SPAG17: variants seen among roughly 807,000 people sequenced by gnomAD.
SPAG17 encodes the protein sperm associated antigen 17, also known as sperm-associated antigen 17.
SPAG17 carries 169 observed loss-of-function variants against 273.6 expected under a neutral mutation model. The observed-to-expected ratio is 0.62, with a 90% CI of 0.55 to 0.70. The LOEUF (loss-of-function observed/expected upper bound fraction) is 0.70, where lower values mean the gene tolerates loss of function less well. SPAG17 is among the 30% of genes least tolerant of loss of function. The probability of loss-of-function intolerance (pLI) is 0.00; values close to 1 mark genes in which losing one functional copy is unlikely to be tolerated. For missense variants in SPAG17, 2,557 were observed against 2,627.8 expected (o/e 0.97, Z 0.59); for synonymous variants, 825 against 873.2 (o/e 0.94, Z 0.97).
At chr1:118,062,949 A>T (rs546383256) in intron 18 of SPAG17, among the ~76,000 whole-genome samples, 2 of 152,352 alleles carry the variant, frequency 1.3e-5, no homozygotes, top group Non-Finnish European at 2.9e-5. Context: ...AAAATGTAAC[A>T]CATAGCCAAG....
At chr1:118,021,745 G>T (rs768649686) in intron 28 of SPAG17, among the ~76,000 whole-genome samples, 4 of 152,054 alleles carry the variant, frequency 2.6e-5, no homozygotes, top group Non-Finnish European at 5.9e-5. Context: ...TGGATGGAAG[G>T]GCTGTGAAGA....
At chr1:118,052,636 C>T (rs72631719) in intron 20 of SPAG17, among the ~76,000 whole-genome samples, 9,617 of 151,806 alleles carry the variant, frequency 0.063, 518 homozygotes, top group East Asian at 0.31. Flanking sequence ...GTACATAATT[C>T]AAAACATTAT....
intron 10 of SPAG17, among the ~76,000 whole-genome samples, chr1:118,088,158 A>T (rs1440937133): frequency 2.6e-5 from 4 of 152,164 alleles, no homozygotes; most frequent in African/African-American, 9.7e-5. Flanking sequence ...TTCTTCTCTG[A>T]AATGTCCAAT....
chr1:118,047,720 C>T (rs1292959612), intron 20 of SPAG17, among the ~76,000 whole-genome samples: 2 of 152,162 alleles, frequency 1.3e-5, no homozygotes, highest in Non-Finnish European at 2.9e-5. Flanking sequence ...GCCTTAATAC[C>T]AGGCAAACCT....
intron 29 of SPAG17, among the ~76,000 whole-genome samples, chr1:118,014,731 C>A (rs1285804379): frequency 6.6e-6 from 1 of 152,160 alleles, no homozygotes; most frequent in Non-Finnish European, 1.5e-5. Flanking sequence ...AGTTAAGGCA[C>A]TTAGGAACGT....
intron 32 of SPAG17, among the ~76,000 whole-genome samples, chr1:117,997,937 G>GGGAT (rs1475584895): frequency 4.6e-5 from 7 of 152,122 alleles, no homozygotes; most frequent in African/African-American, 1.7e-4. Context: ...TAGAGGTGAG[G>GGGAT]GGATAGTCGT....
In SPAG17 at chr1:117,990,852, G is replaced by A; in HGVS notation, c.5521+9C>T. The A allele has an allele frequency of 6.4e-7, 1 of 1,551,296 alleles. No individual in the cohort carries two copies. The highest frequency in any genetic ancestry group is 8.8e-7 in the Non-Finnish European group (1 of 1,136,702). Reference sequence around the variant, plus strand: ...AATATACTGCAGAAGAATATTAAATGCAACTTACCTTCAGTAACATGACTT... The same window carrying A: ...AATATACTGCAGAAGAATATTAAATACAACTTACCTTCAGTAACATGACTT... On this transcript the variant is annotated intron_variant, in intron 38 of 48. Coordinates refer to ENST00000336338, the MANE Select transcript of SPAG17 (RefSeq NM_206996.4).
chr1:117,974,300 T>G (rs946337993), intron 43 of SPAG17, among the ~76,000 whole-genome samples: 4 of 152,270 alleles, frequency 2.6e-5, no homozygotes, highest in East Asian at 1.9e-4. Flanking sequence ...GAAAGTGATT[T>G]TACATACATG....
chr1:118,101,778 T>C lies in SPAG17; in HGVS notation c.596A>G (p.Lys199Arg), dbSNP rs1656083604. The C allele has an allele frequency of 1.9e-6, 3 of 1,613,896 alleles. No individual in the cohort carries two copies. Among genetic ancestry groups the C allele is most frequent in the Non-Finnish European group, 1.7e-6 (2 of 1,179,960 alleles). ...GGTGTGGTCGTCTTCTCCTCTCCGCTTTAACTGGGTGGTCTTTTTCACTGG... is the reference window on the plus strand; with the variant it reads ...GGTGTGGTCGTCTTCTCCTCTCCGCCTTAACTGGGTGGTCTTTTTCACTGG... ...NAPVKKTTQLKRRGEDDHTNR... is the reference protein window; with the variant it reads ...NAPVKKTTQLRRRGEDDHTNR... Residue 199 changes from lysine (K) to arginine (R), a missense_variant, in exon 5 of 49, where the codon AAG becomes AGG. Physicochemically the swap from Lys to Arg is conservative, Grantham distance 26. Coordinates refer to ENST00000336338, the MANE Select transcript of SPAG17 (RefSeq NM_206996.4).
At chr1:118,004,242 G>T (rs547627204) in intron 32 of SPAG17, among the ~76,000 whole-genome samples, 63 of 152,276 alleles carry the variant, frequency 4.1e-4, no homozygotes, top group African/African-American at 1.5e-3. Context: ...CTACTGGGAG[G>T]TGTCTCCCAG....
chr1:117,993,791 ATTGC>A (rs1349271048), intron 35 of SPAG17, among the ~76,000 whole-genome samples: 2 of 152,222 alleles, frequency 1.3e-5, no homozygotes, highest in Non-Finnish European at 2.9e-5. Context: ...TGTGACATAA[ATTGC>A]TTGTAAAATG....
At chr1:118,026,290 C>T (rs1198702809) in intron 26 of SPAG17, among the ~76,000 whole-genome samples, 2 of 152,172 alleles carry the variant, frequency 1.3e-5, no homozygotes, top group Admixed American at 6.6e-5. Context: ...CAAAAGCAAG[C>T]ACTATTATGG....
chr1:118,081,615 C>G lies in SPAG17; in HGVS notation c.1790G>C (p.Arg597Pro). 1.2e-6 allele frequency: 2 copies of G among 1,613,960 alleles called. No homozygotes were observed. The highest frequency in any genetic ancestry group is 1.7e-6 in the Non-Finnish European group (2 of 1,179,938). ...CTCAAAAGTAAACACCTTGAAGGCT[C>G]GTTCTACTTCATTCCAGCTCAAGAC... The part of the protein sequence containing the change: ...SDVLSWNEVE[R>P]AFKVFTFESL... Residue 597 changes from arginine to proline, a missense_variant, in exon 14 of 49, where the codon CGA becomes CCA. By Grantham distance (103) the Arg-to-Pro change is moderately radical. Transcript: ENST00000336338.
chr1:118,101,830 C>A lies in SPAG17; in HGVS notation c.544G>T (p.Gly182Ter). 6.2e-7 allele frequency: 1 copy of A among 1,614,002 alleles called. No homozygotes were observed. The highest frequency in any genetic ancestry group is 8.5e-7 in the Non-Finnish European group (1 of 1,179,930). Residue 182 changes from glycine (G) to a stop codon, truncating the protein, a stop_gained, in exon 5 of 49, where the codon GGA becomes TGA. Transcript: ENST00000336338. LOFTEE classifies it high-confidence loss of function. Reference protein sequence around the residue: ...APSAKPAKGKGKDQPEANAPV... With the variant: ...APSAKPAKGK ...GCATTTGCCTCAGGCTGATCCTTTCCCTTTCCTTTGGCAGGCTTGGCACTT... is the reference window on the plus strand; with the variant it reads ...GCATTTGCCTCAGGCTGATCCTTTCACTTTCCTTTGGCAGGCTTGGCACTT...
intron 32 of SPAG17, among the ~76,000 whole-genome samples, chr1:118,004,399 T>C (rs908114500): frequency 6.6e-6 from 1 of 152,244 alleles, no homozygotes; most frequent in African/African-American, 2.4e-5. Flanking sequence ...CTGCCTTTCG[T>C]TCAGCTAAGC....
At chr1:118,143,385 G>A (rs1284177838) in intron 3 of SPAG17, among the ~76,000 whole-genome samples, 1 of 152,080 alleles carries the variant, frequency 6.6e-6, no homozygotes, top group Non-Finnish European at 1.5e-5. Context: ...TCATTCATAG[G>A]TATCTGAAAG....
intron 44 of SPAG17, among the ~76,000 whole-genome samples, chr1:117,972,853 G>T (rs1046286195): frequency 8.5e-5 from 13 of 152,064 alleles, no homozygotes; most frequent in African/African-American, 2.9e-4. Context: ...TTAATCTTAG[G>T]GGCTCTGAGC....
In SPAG17 at chr1:118,125,167, C is replaced by A. The variant is rs1375833705; in HGVS notation, c.316-9726G>T. On this transcript the variant is annotated intron_variant, in intron 3 of 48. Transcript: ENST00000336338. ...TCAGTCCTGATAGCTCCAGCTATTG[C>A]TCGTCTCCTGGCCTGAGCACATATC... 2.0e-5 allele frequency among the ~76,000 whole-genome samples: 3 copies of A among 151,964 alleles called. No individual in the cohort carries two copies. The East Asian group carries it at 5.8e-4, about 29-fold the overall frequency.
At chr1:118,055,194 G>A (rs1214193186) in intron 19 of SPAG17, among the ~76,000 whole-genome samples, 1 of 151,852 alleles carries the variant, frequency 6.6e-6, no homozygotes, top group Non-Finnish European at 1.5e-5. Context: ...AACAACAAAG[G>A]TATATATATT....
Sources: allele counts gnomAD v4.1 joint callset (sites outside exome capture counted in the v4.1 genomes callset), GRCh38; gene constraint gnomAD v4.1.1; transcripts MANE v1.5; gene names NCBI Gene and HGNC (gene_info 2026-07-23, HGNC 2026-07-21).